IGF2BP3: variants seen among roughly 807,000 people sequenced by gnomAD.
IGF2BP3 encodes insulin like growth factor 2 mRNA binding protein 3.
In IGF2BP3, 9 loss-of-function variants were observed where a neutral mutation model predicts 73.8. The ratio of observed to expected loss-of-function variants is 0.12; its 90% CI spans 0.07 to 0.21. IGF2BP3 has a LOEUF of 0.21. Ranked by LOEUF, IGF2BP3 falls within the 10% of genes least tolerant of loss-of-function variation. IGF2BP3 has a pLI of 1.00. For synonymous variants in IGF2BP3, 258 were observed against 256.7 expected (o/e 1.01, Z -0.05); for missense variants, 542 against 714.0 (o/e 0.76, Z 2.75).
chr7:23,455,972 ACTGCGCCCGGCAGGGTCTTACT>A (rs1170870452), intron 2 of IGF2BP3, among the ~76,000 whole-genome samples: 2 of 152,198 alleles, frequency 1.3e-5, no homozygotes. Flanking sequence ...GGCATGAGCC[ACTGCGCCCGGCAGGGTCTTACT>A]CTTCTTTCTA....
At chr7:23,435,834 T>C (rs1347614179) in intron 2 of IGF2BP3, among the ~76,000 whole-genome samples, 4 of 152,098 alleles carry the variant, frequency 2.6e-5, no homozygotes, top group African/African-American at 7.2e-5. Context: ...CTCAGGTCAC[T>C]GCAACCTCCA....
At chr7:23,348,757 T>C (rs537831732) in intron 6 of IGF2BP3, among the ~76,000 whole-genome samples, 25 of 151,834 alleles carry the variant, frequency 1.6e-4, no homozygotes, top group Admixed American at 2.6e-4. Flanking sequence ...TCTACGGGGG[T>C]TGGGGCAGAG....
chr7:23,454,675 T>C (rs755549201), intron 2 of IGF2BP3, among the ~76,000 whole-genome samples: 1 of 152,190 alleles, frequency 6.6e-6, no homozygotes, highest in Non-Finnish European at 1.5e-5. Context: ...TAAGCAAAGG[T>C]TCCTACTGAG....
At chr7:23,397,787 T>A (rs1786523690) in intron 3 of IGF2BP3, among the ~76,000 whole-genome samples, 3 of 152,220 alleles carry the variant, frequency 2.0e-5, no homozygotes, top group Admixed American at 2.0e-4. Flanking sequence ...GTAAATTGAA[T>A]AATGGTCCCA....
At chr7:23,386,607 T>C (rs577736433) in intron 3 of IGF2BP3, among the ~76,000 whole-genome samples, 33 of 152,286 alleles carry the variant, frequency 2.2e-4, no homozygotes, top group African/African-American at 3.9e-4. Context: ...ATAGGGAAGA[T>C]TGAACAGATC....
At chr7:23,412,799 A>G (rs1787065433) in intron 3 of IGF2BP3, among the ~76,000 whole-genome samples, 2 of 149,312 alleles carry the variant, frequency 1.3e-5, no homozygotes, top group Admixed American at 1.3e-4. Context: ...TCAAGGAAAT[A>G]ACATTAGGAG....
chr7:23,332,374 G>C (rs1263556818), intron 10 of IGF2BP3, among the ~76,000 whole-genome samples: 1 of 152,122 alleles, frequency 6.6e-6, no homozygotes, highest in East Asian at 1.9e-4. Context: ...TTTACAACTT[G>C]GCAAAGTTCT....
intron 3 of IGF2BP3, among the ~76,000 whole-genome samples, chr7:23,363,904 CCATT>C (rs1403013686): frequency 6.6e-6 from 1 of 152,174 alleles, no homozygotes; most frequent in Admixed American, 6.5e-5. Context: ...TCTCACGTTG[CCATT>C]CAAAGATAAA....
chr7:23,345,877 A>G (rs1784816775), intron 8 of IGF2BP3, 63 bp downstream of exon 8: 2 of 1,572,916 alleles, frequency 1.3e-6, no homozygotes, highest in Non-Finnish European at 1.7e-6. Flanking sequence ...GCTAAGCCCA[A>G]TACACAACAT....
intron 3 of IGF2BP3, among the ~76,000 whole-genome samples, chr7:23,405,402 A>C (rs1403203852): frequency 6.6e-6 from 1 of 152,250 alleles, no homozygotes; most frequent in Admixed American, 6.5e-5. Context: ...CAGAAACTGA[A>C]GTGATTTGCT....
intron 3 of IGF2BP3, among the ~76,000 whole-genome samples, chr7:23,403,424 T>C (rs916309460): frequency 6.6e-6 from 1 of 152,230 alleles, no homozygotes; most frequent in African/African-American, 2.4e-5. Flanking sequence ...GGACATTACA[T>C]TGATTTTTAA....
intron 3 of IGF2BP3, among the ~76,000 whole-genome samples, chr7:23,417,950 C>T (rs995564239): frequency 3.9e-5 from 6 of 152,188 alleles, no homozygotes; most frequent in Non-Finnish European, 8.8e-5. Context: ...GCACAAATCA[C>T]CTGTGACCAA....
chr7:23,408,797 G>A (rs1023747610), intron 3 of IGF2BP3, among the ~76,000 whole-genome samples: 7 of 152,132 alleles, frequency 4.6e-5, no homozygotes, highest in Non-Finnish European at 1.0e-4. Flanking sequence ...AAAGGTAGAA[G>A]CAATCCATAT....
intron 5 of IGF2BP3, among the ~76,000 whole-genome samples, chr7:23,353,544 G>A (rs1562694241): frequency 6.6e-6 from 1 of 152,204 alleles, no homozygotes; most frequent in Non-Finnish European, 1.5e-5. Flanking sequence ...TCCCAGAACT[G>A]CTGCTCACTG....
At chr7:23,330,156 G>A (rs1026714632) in intron 10 of IGF2BP3, among the ~76,000 whole-genome samples, 2 of 151,902 alleles carry the variant, frequency 1.3e-5, no homozygotes, top group Admixed American at 6.6e-5. Context: ...CATGGTGGCA[G>A]GCACCTGTAA....
At chr7:23,410,504 C>T (rs556036237) in intron 3 of IGF2BP3, among the ~76,000 whole-genome samples, 13 of 152,276 alleles carry the variant, frequency 8.5e-5, no homozygotes, top group African/African-American at 3.1e-4. Flanking sequence ...ATGCTTGCCT[C>T]ATACACCATT....
At chr7:23,456,076 A>G (rs1469614640) in intron 2 of IGF2BP3, among the ~76,000 whole-genome samples, 4 of 152,338 alleles carry the variant, frequency 2.6e-5, no homozygotes, top group African/African-American at 9.6e-5. Flanking sequence ...CTAAAAATTT[A>G]CATAAGATAT....
At chr7:23,344,911 C>T (rs995875639) in intron 8 of IGF2BP3, among the ~76,000 whole-genome samples, 2 of 152,260 alleles carry the variant, frequency 1.3e-5, no homozygotes, top group South Asian at 2.1e-4. Flanking sequence ...TTTTGTATTA[C>T]AGTTTTAAAA....
At chr7:23,467,926 T>C (rs1253673378) in intron 2 of IGF2BP3, 1 of 154,572 alleles carries the variant, frequency 6.5e-6, no homozygotes, top group Admixed American at 6.3e-5. Flanking sequence ...AACTTCGGAG[T>C]GACTCAAAGG....
Sources: gnomAD v4.1 joint callset for allele counts (sites outside exome capture counted in the v4.1 genomes callset) on GRCh38, gnomAD v4.1.1 for gene constraint, MANE v1.5 for transcripts, NCBI Gene and HGNC (gene_info 2026-07-23, HGNC 2026-07-21) for gene names.